Variants in NALCN observed in about 807,000 individuals in gnomAD.
NALCN encodes sodium leak channel, non-selective, also known as sodium leak channel NALCN.
In NALCN, 111 loss-of-function variants were observed where a neutral mutation model predicts 225.3. The ratio of observed to expected loss-of-function variants is 0.49; its 90% confidence interval spans 0.42 to 0.58. NALCN has a LOEUF of 0.58. Ranked by LOEUF, NALCN falls within the 20% of genes least tolerant of loss-of-function variation. The pLI, the probability that NALCN is intolerant of heterozygous loss-of-function variation, is 0.00. For synonymous variants in NALCN, 764 were observed against 769.0 expected, an observed-to-expected ratio of 0.99 and a Z score of 0.11; for missense variants, 1,378 against 2,202.4, an observed-to-expected ratio of 0.63 and a Z score of 7.49.
At chr13:101,311,225 T>C (rs1238358007) in intron 7 of NALCN, among the ~76,000 whole-genome samples, 1 of 151,376 alleles carries the variant, frequency 6.6e-6, no homozygotes, top group Admixed American at 6.6e-5. Flanking sequence ...CCTGAGACTT[T>C]GCTGAAGTTG....
At chr13:101,177,115 C>T (rs556167339) in intron 14 of NALCN, among the ~76,000 whole-genome samples, 10 of 152,288 alleles carry the variant, frequency 6.6e-5, no homozygotes, top group African/African-American at 2.4e-4. Context: ...CTGAGGCCTC[C>T]TGCCAACAGC....
At chr13:101,189,800 T>C (rs900710074) in intron 14 of NALCN, among the ~76,000 whole-genome samples, 1 of 152,180 alleles carries the variant, frequency 6.6e-6, no homozygotes, top group African/African-American at 2.4e-5. Flanking sequence ...AAAATTGCAA[T>C]AAAAAAGTTA....
chr13:101,289,931 G>A (rs750894123), intron 9 of NALCN, among the ~76,000 whole-genome samples: 4 of 152,146 alleles, frequency 2.6e-5, no homozygotes, highest in South Asian at 2.1e-4. Flanking sequence ...CAGGGTGGGC[G>A]GGGCCTGAAG....
chr13:101,287,556 A>G (rs1009147118), intron 9 of NALCN, among the ~76,000 whole-genome samples: 2 of 152,220 alleles, frequency 1.3e-5, no homozygotes, highest in Non-Finnish European at 2.9e-5. Flanking sequence ...TTATTATGAA[A>G]ATTAAATAAG....
chr13:101,258,331 G>A (rs1343214673), intron 11 of NALCN, 112 bp downstream of exon 11: 2 of 1,422,252 alleles, frequency 1.4e-6, no homozygotes. Flanking sequence ...ATTCAGCTTT[G>A]GTGAAAGTCA....
At chr13:101,350,395 G>T (rs1434576415) in intron 6 of NALCN, among the ~76,000 whole-genome samples, 1 of 151,434 alleles carries the variant, frequency 6.6e-6, no homozygotes, top group African/African-American at 2.4e-5. Context: ...TAGCCTTCAG[G>T]CCCCAGCTTA....
At chr13:101,382,034 T>C (rs886832679) in intron 3 of NALCN, among the ~76,000 whole-genome samples, 15 of 152,164 alleles carry the variant, frequency 9.9e-5, no homozygotes, top group Non-Finnish European at 2.1e-4. Flanking sequence ...AGAGTAATTA[T>C]AGATCGTTGA....
intron 7 of NALCN, among the ~76,000 whole-genome samples, chr13:101,301,175 A>G (rs1012193608): frequency 6.6e-6 from 1 of 152,224 alleles, no homozygotes; most frequent in African/African-American, 2.4e-5. Context: ...AGTGTTGACA[A>G]GCCGGATGCT....
chr13:101,233,921 G>A (rs945537257), intron 12 of NALCN, among the ~76,000 whole-genome samples: 1 of 152,152 alleles, frequency 6.6e-6, no homozygotes, highest in African/African-American at 2.4e-5. Flanking sequence ...GCCCAGCCAC[G>A]CTGGCCTTTG....
chr13:101,061,807 C>G (rs1240933796), intron 41 of NALCN, among the ~76,000 whole-genome samples, 161 bp downstream of exon 41: 2 of 152,170 alleles, frequency 1.3e-5, no homozygotes, highest in African/African-American at 2.4e-5. Context: ...GCATCATGAT[C>G]TGACCACTGT....
At chr13:101,160,998 T>C (rs1347839623) in intron 15 of NALCN, among the ~76,000 whole-genome samples, 1 of 152,198 alleles carries the variant, frequency 6.6e-6, no homozygotes, top group African/African-American at 2.4e-5. Flanking sequence ...CCAGCAGTTA[T>C]TAAATGTTGC....
At chr13:101,082,658 A>C in intron 33 of NALCN, 151 bp downstream of exon 33, 1 of 749,936 alleles carries the variant, frequency 1.3e-6, no homozygotes, top group Non-Finnish European at 2.3e-6. Flanking sequence ...TGTTCGAGTT[A>C]AGCAGAACCG....
intron 7 of NALCN, among the ~76,000 whole-genome samples, chr13:101,298,039 C>T (rs2043820210): frequency 1.3e-5 from 2 of 152,182 alleles, no homozygotes; most frequent in South Asian, 4.1e-4. Flanking sequence ...ACATGGATGA[C>T]TATGCTGTAT....
rs114104694 is a variant in NALCN at position 101,103,879 on chromosome 13, G to A, written c.2889+416C>T. 2.2e-3 allele frequency among the ~76,000 whole-genome samples: 328 copies of A among 152,284 alleles called. 2 individuals carry two copies. Among genetic ancestry groups the A allele is most frequent in the African/African-American group, 7.7e-3 (321 of 41,556 alleles). On this transcript the variant is annotated intron_variant, in intron 25 of 43. Transcript: ENST00000251127. ...CAGGTATTTTATGCAATGGAATCAG[G>A]AGAGAGATACAATCACAATCACTTT... is the stretch of plus-strand genomic sequence containing the variant.
intron 14 of NALCN, among the ~76,000 whole-genome samples, chr13:101,189,471 G>A (rs2039592861): frequency 6.6e-6 from 1 of 152,162 alleles, no homozygotes; most frequent in African/African-American, 2.4e-5. Context: ...GAAATACAGG[G>A]TTAACTCGCA....
chr13:101,087,349 T>G (rs1031536196), intron 30 of NALCN, among the ~76,000 whole-genome samples: 2 of 152,070 alleles, frequency 1.3e-5, no homozygotes, highest in Admixed American at 1.3e-4. Flanking sequence ...CTGTGTTTAG[T>G]GTTTAGGTTA....
chr13:101,237,488 T>C (rs934815768), intron 12 of NALCN, among the ~76,000 whole-genome samples: 1 of 151,986 alleles, frequency 6.6e-6, no homozygotes, highest in African/African-American at 2.4e-5. Flanking sequence ...TGTGTATCTA[T>C]ATACTGCTAA....
Position 101,314,705 on chromosome 13 carries a change from T to C in NALCN, c.800-22339A>G, listed in dbSNP as rs199773757. On this transcript the variant is annotated intron_variant, in intron 7 of 43. Coordinates refer to ENST00000251127, the MANE Select transcript of NALCN (RefSeq NM_052867.4). The stretch of plus-strand genomic sequence containing the variant: ...TCAAATGAATACAAAATGCAAATTA[T>C]ACTGAACAAAAAGAATTTCATGTCA... Among the ~76,000 whole-genome samples, 8 of 152,326 alleles carry C rather than the reference T, an allele frequency of 5.3e-5. No individual in the cohort carries two copies. In the East Asian group the frequency reaches 5.8e-4, roughly 11 times the overall value.
At chr13:101,393,486 C>T (rs1347380931) in intron 3 of NALCN, among the ~76,000 whole-genome samples, 1 of 152,152 alleles carries the variant, frequency 6.6e-6, no homozygotes, top group Admixed American at 6.5e-5. Context: ...TCCAATGGAT[C>T]AATGACATAG....
Sources: gnomAD v4.1 joint callset for allele counts (sites outside exome capture counted in the v4.1 genomes callset) on GRCh38, gnomAD v4.1.1 for gene constraint, MANE v1.5 for transcripts, NCBI Gene and HGNC (gene_info 2026-07-23, HGNC 2026-07-21) for gene names.